ATRN: variants seen among roughly 807,000 people sequenced by gnomAD.
The protein encoded by ATRN is attractin-2.
Under a neutral mutation model 178.7 loss-of-function variants are expected in ATRN, and 54 were observed. That is an observed-to-expected ratio of 0.30 (90% CI 0.24 to 0.38). The LOEUF (loss-of-function observed/expected upper bound fraction) is 0.38, where lower values mean the gene tolerates loss of function less well. ATRN is among the 10% of genes least tolerant of loss of function. The probability of loss-of-function intolerance (pLI) is 1.00; values close to 1 mark genes in which losing one functional copy is unlikely to be tolerated. For synonymous variants in ATRN, 636 were observed against 663.0 expected, an observed-to-expected ratio of 0.96 and a Z score of 0.63; for missense variants, 1,443 against 1,815.1, an observed-to-expected ratio of 0.79 and a Z score of 3.73.
At chr20:3,537,084 C>A (rs2085544263) in intron 2 of ATRN, among the ~76,000 whole-genome samples, 1 of 152,164 alleles carries the variant, frequency 6.6e-6, no homozygotes, top group Admixed American at 6.6e-5. Flanking sequence ...TGCAGATCTT[C>A]CATATGTTGA....
At chr20:3,496,725 C>T (rs1004489994) in intron 1 of ATRN, among the ~76,000 whole-genome samples, 11 of 152,024 alleles carry the variant, frequency 7.2e-5, no homozygotes, top group Admixed American at 4.6e-4. Flanking sequence ...CTTTCTGTCT[C>T]GTTGATCTAA....
chr20:3,621,622 C>T (rs2086897721), intron 24 of ATRN, among the ~76,000 whole-genome samples: 1 of 152,062 alleles, frequency 6.6e-6, no homozygotes, highest in East Asian at 1.9e-4. Context: ...ATAAGAATTT[C>T]TTCTTTGTAT....
intron 6 of ATRN, among the ~76,000 whole-genome samples, chr20:3,554,393 T>C (rs2085835542): frequency 1.3e-5 from 2 of 151,984 alleles, no homozygotes; most frequent in African/African-American, 4.8e-5. Flanking sequence ...TGGAGTGCAG[T>C]GGCACAGTCT....
intron 11 of ATRN, among the ~76,000 whole-genome samples, chr20:3,568,972 T>C (rs1367556412): frequency 6.6e-6 from 1 of 152,178 alleles, no homozygotes; most frequent in African/African-American, 2.4e-5. Flanking sequence ...GTTTGTAGTA[T>C]GATAGTTGAA....
chr20:3,635,207 G>A (rs540277702), intron 26 of ATRN, among the ~76,000 whole-genome samples: 1 of 151,948 alleles, frequency 6.6e-6, no homozygotes, highest in Admixed American at 6.6e-5. Flanking sequence ...TGAGGACTCG[G>A]GGGAAAGAGT....
chr20:3,515,286 G>T (rs891539807), intron 1 of ATRN, among the ~76,000 whole-genome samples: 1 of 152,176 alleles, frequency 6.6e-6, no homozygotes, highest in Non-Finnish European at 1.5e-5. Flanking sequence ...TGAAAATTTG[G>T]TGGTTAAAAA....
At chr20:3,551,909 T>C (rs1200428481) in intron 6 of ATRN, among the ~76,000 whole-genome samples, 1 of 152,228 alleles carries the variant, frequency 6.6e-6, no homozygotes, top group Non-Finnish European at 1.5e-5. Context: ...TCAAATGTTC[T>C]GTATTTACCC....
chr20:3,517,773 A>C (rs1174584602), intron 1 of ATRN, among the ~76,000 whole-genome samples: 1 of 152,108 alleles, frequency 6.6e-6, no homozygotes, highest in Non-Finnish European at 1.5e-5. Flanking sequence ...TCCGTCTCAA[A>C]CATAAAAAAA....
chr20:3,549,032 T>C (rs2085748057), intron 5 of ATRN, 138 bp from the exon 6 acceptor site: 2 of 725,714 alleles, frequency 2.8e-6, no homozygotes, highest in South Asian at 4.7e-5. Flanking sequence ...AATAACAAAT[T>C]AAAGGATTTG....
chr20:3,613,026 C>A (rs2086788012), intron 24 of ATRN, among the ~76,000 whole-genome samples: 1 of 152,132 alleles, frequency 6.6e-6, no homozygotes, highest in Admixed American at 6.5e-5. Context: ...GGAGCTCTTC[C>A]CCACACTTAC....
At chr20:3,634,479 T>C (rs988200332) in intron 26 of ATRN, 90 bp downstream of exon 26, 2 of 1,172,336 alleles carry the variant, frequency 1.7e-6, no homozygotes, top group African/African-American at 3.1e-5. Context: ...AGCTATTTAG[T>C]GATAATGGAC....
At chr20:3,609,537 C>G (rs1301715248) in intron 24 of ATRN, among the ~76,000 whole-genome samples, 1 of 152,106 alleles carries the variant, frequency 6.6e-6, no homozygotes, top group East Asian at 1.9e-4. Flanking sequence ...CCTAGTTGCT[C>G]TGGTCAAATA....
chr20:3,473,623 AG>A (rs988340944), intron 1 of ATRN, among the ~76,000 whole-genome samples: 20 of 152,246 alleles, frequency 1.3e-4, no homozygotes, highest in Admixed American at 1.2e-3. Flanking sequence ...AGGTGAGGCC[AG>A]GGCATTTTCC....
intron 10 of ATRN, among the ~76,000 whole-genome samples, chr20:3,564,100 C>T (rs968383701): frequency 2.0e-5 from 3 of 152,156 alleles, no homozygotes; most frequent in African/African-American, 7.2e-5. Flanking sequence ...TTGACTATTC[C>T]AAGTCAGACA....
chr20:3,545,716 G>A (rs1483803045), intron 3 of ATRN, 46 bp from the exon 4 acceptor site: 1 of 1,600,298 alleles, frequency 6.2e-7, no homozygotes, highest in Admixed American at 1.7e-5. Flanking sequence ...AATTTGACAT[G>A]TCTGTGCTTG....
chr20:3,642,468 G>A (rs979045672), intron 27 of ATRN, among the ~76,000 whole-genome samples: 3 of 152,244 alleles, frequency 2.0e-5, no homozygotes, highest in East Asian at 3.8e-4. Flanking sequence ...TTGATGTCAT[G>A]TTCTCATTGG....
intron 2 of ATRN, among the ~76,000 whole-genome samples, chr20:3,537,513 TTTTA>T (rs2085554287): frequency 7.3e-6 from 1 of 136,798 alleles, no homozygotes; most frequent in Admixed American, 7.2e-5. Flanking sequence ...CATTTTTTTA[TTTTA>T]TTTTTTTATT....
intron 4 of ATRN, among the ~76,000 whole-genome samples, chr20:3,546,963 G>T (rs937104009): frequency 6.6e-6 from 1 of 152,168 alleles, no homozygotes; most frequent in Non-Finnish European, 1.5e-5. Context: ...AAGAAGAATA[G>T]GATAGTCCTC....
intron 1 of ATRN, among the ~76,000 whole-genome samples, chr20:3,502,308 C>G (rs960110087): frequency 3.9e-5 from 6 of 152,108 alleles, no homozygotes; most frequent in African/African-American, 1.4e-4. Context: ...TCCTGCTCTT[C>G]CCTGCTAAGT....
Sources: allele counts gnomAD v4.1 joint callset (sites outside exome capture counted in the v4.1 genomes callset), GRCh38; gene constraint gnomAD v4.1.1; transcripts MANE v1.5; gene names NCBI Gene and HGNC (gene_info 2026-07-23, HGNC 2026-07-21).